Variants in GPHN observed in about 807,000 individuals in gnomAD.
GPHN encodes gephyrin.
A neutral mutation model predicts 95.5 loss-of-function variants in GPHN; 17 were observed. The observed-to-expected ratio is 0.18, with a 90% confidence interval of 0.12 to 0.27. GPHN has a LOEUF of 0.27. Ranked by LOEUF, GPHN falls within the 10% of genes least tolerant of loss-of-function variation. The probability of loss-of-function intolerance (pLI) is 1.00; values close to 1 mark genes in which losing one functional copy is unlikely to be tolerated. For synonymous variants in GPHN, 320 were observed against 322.5 expected (o/e 0.99, Z 0.08); for missense variants, 660 against 978.1 (o/e 0.67, Z 4.34).
At chr14:66,684,004 A>G (rs2067175434) in intron 2 of GPHN, among the ~76,000 whole-genome samples, 1 of 152,054 alleles carries the variant, frequency 6.6e-6, no homozygotes, top group South Asian at 2.1e-4. Flanking sequence ...CTCCTCAAAA[A>G]ATCACTGTCA....
At chr14:67,267,296 T>C in the GPHN span, among the ~76,000 whole-genome samples, 1,605 of 152,248 alleles carry the variant, frequency 0.011, 27 homozygotes, top group African/African-American at 0.036. Flanking sequence ...TTCACTCTTG[T>C]CGCCCAGGCT....
At chr14:66,837,728 A>C (rs1011872709) in intron 4 of GPHN, among the ~76,000 whole-genome samples, 6 of 151,738 alleles carry the variant, frequency 4.0e-5, no homozygotes, top group African/African-American at 1.4e-4. Context: ...TTGTTCCTTG[A>C]GGTCAGAATT....
At chr14:67,695,422 C>A in the GPHN span, among the ~76,000 whole-genome samples, 7 of 152,228 alleles carry the variant, frequency 4.6e-5, no homozygotes, top group African/African-American at 1.7e-4. Context: ...GTGCCCCGGA[C>A]TGCCGCCCTT....
intron 5 of GPHN, among the ~76,000 whole-genome samples, chr14:66,911,623 C>T (rs1421222985): frequency 6.6e-6 from 1 of 151,894 alleles, no homozygotes; most frequent in Non-Finnish European, 1.5e-5. Context: ...CTGTTTTATA[C>T]ACGTCATACC....
intron 2 of GPHN, among the ~76,000 whole-genome samples, chr14:66,767,174 G>A (rs1230144879): frequency 1.3e-5 from 2 of 152,002 alleles, no homozygotes; most frequent in Non-Finnish European, 2.9e-5. Flanking sequence ...TTCACTCTCT[G>A]TAGTAAGTAT....
chr14:66,845,864 TGTGC>T (rs1257946141), intron 4 of GPHN, among the ~76,000 whole-genome samples: 1 of 151,536 alleles, frequency 6.6e-6, no homozygotes, highest in Non-Finnish European at 1.5e-5. Flanking sequence ...TGTGTGTCTG[TGTGC>T]GTGCGCACAC....
chr14:67,396,473 G>A, the GPHN span, among the ~76,000 whole-genome samples: 1 of 151,740 alleles, frequency 6.6e-6, no homozygotes, highest in Admixed American at 6.6e-5. Context: ...ATCAGACCAT[G>A]CTCTCACTCA....
chr14:67,563,007 G>A, the GPHN span: 1 of 1,084,336 alleles, frequency 9.2e-7, no homozygotes, highest in Non-Finnish European at 1.3e-6. Context: ...TCCTCATGGT[G>A]GCCCTGGCAG....
intron 3 of GPHN, among the ~76,000 whole-genome samples, chr14:66,811,953 C>T (rs1456565445): frequency 6.6e-6 from 1 of 152,128 alleles, no homozygotes; most frequent in Non-Finnish European, 1.5e-5. Flanking sequence ...CAGATTCTAC[C>T]ATTTGGAAGA....
At chr14:66,931,503 C>T (rs1372946156) in intron 8 of GPHN, among the ~76,000 whole-genome samples, 1 of 151,918 alleles carries the variant, frequency 6.6e-6, no homozygotes, top group East Asian at 1.9e-4. Flanking sequence ...CTCTTACTGC[C>T]CTTTGAGGCT....
chr14:67,145,812 G>A (rs143865100), intron 18 of GPHN, among the ~76,000 whole-genome samples: 241 of 152,334 alleles, frequency 1.6e-3, no homozygotes, highest in African/African-American at 5.6e-3. Context: ...TAGCAGGCAT[G>A]AATATTAAGT....
chr14:67,445,926 G>A, the GPHN span: 1 of 450,972 alleles, frequency 2.2e-6, no homozygotes, highest in Non-Finnish European at 4.4e-6. Context: ...GTACTTCACA[G>A]TTTGCTTGTG....
chr14:66,681,866 A>T (rs1033752267), intron 2 of GPHN, among the ~76,000 whole-genome samples: 1 of 152,204 alleles, frequency 6.6e-6, no homozygotes, highest in African/African-American at 2.4e-5. Context: ...AATAATTAAA[A>T]CTAGTTAAGC....
At chr14:66,894,564 G>A (rs1004840436) in intron 5 of GPHN, among the ~76,000 whole-genome samples, 4 of 152,110 alleles carry the variant, frequency 2.6e-5, no homozygotes, top group Non-Finnish European at 5.9e-5. Flanking sequence ...TACCATCAGA[G>A]TGAATAGGCA....
At chr14:66,971,183 C>T (rs990230421) in intron 9 of GPHN, among the ~76,000 whole-genome samples, 4 of 152,122 alleles carry the variant, frequency 2.6e-5, no homozygotes, top group Admixed American at 2.0e-4. Flanking sequence ...ACAGAATTAG[C>T]CAGGCGCGTT....
At chr14:67,316,777 AT>A in the GPHN span, 5 of 1,452,422 alleles carry the variant, frequency 3.4e-6, no homozygotes, top group Non-Finnish European at 4.7e-6. Flanking sequence ...TAAAAAAAAA[AT>A]TCTTATCCTT....
the GPHN span, among the ~76,000 whole-genome samples, chr14:67,505,782 C>T: frequency 6.6e-6 from 1 of 151,946 alleles, no homozygotes; most frequent in Non-Finnish European, 1.5e-5. Context: ...TCTCAGCTCA[C>T]TGCAACCTCT....
At chr14:66,821,968 T>G (rs1464440926) in intron 3 of GPHN, among the ~76,000 whole-genome samples, 2 of 152,216 alleles carry the variant, frequency 1.3e-5, no homozygotes, top group Admixed American at 6.5e-5. Flanking sequence ...GTTTGTTTGT[T>G]CGAGACGGAG....
At chr14:67,005,922 A>C (rs2072575188) in intron 9 of GPHN, among the ~76,000 whole-genome samples, 1 of 151,494 alleles carries the variant, frequency 6.6e-6, no homozygotes, top group African/African-American at 2.4e-5. Flanking sequence ...TCTCCCTTGG[A>C]ACTGACAAGG....
Sources: allele counts gnomAD v4.1 joint callset (sites outside exome capture counted in the v4.1 genomes callset), GRCh38; gene constraint gnomAD v4.1.1; transcripts MANE v1.5; gene names NCBI Gene and HGNC (gene_info 2026-07-23, HGNC 2026-07-21).